GLRA2: variants seen among roughly 807,000 people sequenced by gnomAD.
The protein encoded by GLRA2 is glycine receptor alpha 2.
A neutral mutation model predicts 31.6 loss-of-function variants in GLRA2; 11 were observed. The ratio of observed to expected loss-of-function variants is 0.35; its 90% CI spans 0.22 to 0.58. GLRA2 has a LOEUF of 0.58. Among genes scored for constraint, GLRA2 ranks in the 20% least tolerant of loss-of-function variants. The pLI is 0.84. For synonymous variants in GLRA2, 132 were observed against 134.0 expected (o/e 0.99, Z 0.10); for missense variants, 212 against 351.8 (o/e 0.60, Z 3.18).
intron 2 of GLRA2, among the ~76,000 whole-genome samples, chrX:14,569,451 G>A (rs895751393): frequency 8.9e-6 from 1 of 111,987 alleles, no homozygotes; most frequent in African/African-American, 3.2e-5. Flanking sequence ...AATGGGTAAA[G>A]GGCTTGAAGA....
intron 2 of GLRA2, among the ~76,000 whole-genome samples, chrX:14,565,433 G>A (rs2089791348): frequency 9.0e-6 from 1 of 111,229 alleles, no homozygotes; most frequent in Non-Finnish European, 1.9e-5. Context: ...TATTAAAAAT[G>A]GTATGTTGAA....
upstream of GLRA2, among the ~76,000 whole-genome samples, chrX:14,527,835 G>A (rs2089198963): frequency 9.0e-6 from 1 of 111,360 alleles, no homozygotes; most frequent in Non-Finnish European, 1.9e-5. Flanking sequence ...CAGGACAGCA[G>A]GGATAAAATC....
intron 7 of GLRA2, among the ~76,000 whole-genome samples, chrX:14,668,003 G>A (rs1266441603): frequency 1.8e-5 from 2 of 111,995 alleles, no homozygotes; most frequent in Non-Finnish European, 3.8e-5. Context: ...CTCCCACAAG[G>A]CTGAAATCTC....
chrX:14,508,504 G>A, the GLRA2 span, among the ~76,000 whole-genome samples: 1 of 111,924 alleles, frequency 8.9e-6, no homozygotes, highest in Non-Finnish European at 1.9e-5. Flanking sequence ...CATTCCTGCA[G>A]CACACAGTCC....
the GLRA2 span, among the ~76,000 whole-genome samples, chrX:14,464,338 A>G: frequency 1.8e-5 from 2 of 111,397 alleles, no homozygotes; most frequent in African/African-American, 6.5e-5. Flanking sequence ...TCTTCACTGC[A>G]TTTGGAGTTG....
intron 8 of GLRA2, among the ~76,000 whole-genome samples, chrX:14,692,553 A>G (rs1419896263): frequency 8.9e-6 from 1 of 112,019 alleles, no homozygotes; most frequent in Non-Finnish European, 1.9e-5. Context: ...AGACTCACCT[A>G]GGACCCTTGT....
intron 8 of GLRA2, among the ~76,000 whole-genome samples, chrX:14,724,626 C>CAAAAAAAAAAAAAAAAAAAAAAAAA (rs758722703): frequency 1.0e-4 from 5 of 49,617 alleles, no homozygotes; most frequent in Non-Finnish European, 1.3e-4. Context: ...AACTCTGTCT[C>CAAAAAAAAAAAAAAAAAAAAAAAAA]AAAAAAAAAA....
chrX:14,579,907 TA>T (rs1306498819), intron 3 of GLRA2, among the ~76,000 whole-genome samples: 7 of 112,104 alleles, frequency 6.2e-5, no homozygotes, highest in Admixed American at 2.8e-4. Context: ...AGTAAATAGG[TA>T]AAAAAGAAAA....
chrX:14,676,583 T>C (rs901965941), intron 7 of GLRA2, among the ~76,000 whole-genome samples: 1 of 111,928 alleles, frequency 8.9e-6, no homozygotes, highest in African/African-American at 3.2e-5. Flanking sequence ...TGGAAGTGCC[T>C]TGCCCATGAG....
chrX:14,607,082 C>T (rs2090342413), intron 5 of GLRA2, 49 bp from the exon 6 acceptor site: 2 of 1,004,970 alleles, frequency 2.0e-6, no homozygotes, highest in Non-Finnish European at 2.8e-6. Flanking sequence ...GACTTTCAAG[C>T]TTTCTTGGAA....
At chrX:14,454,188 C>CCACA in the GLRA2 span, among the ~76,000 whole-genome samples, 1 of 101,492 alleles carries the variant, frequency 9.9e-6, no homozygotes, top group Non-Finnish European at 2.0e-5. Flanking sequence ...ACCCACACAC[C>CCACA]CACACACACA....
chrX:14,493,697 A>C, the GLRA2 span, among the ~76,000 whole-genome samples: 1 of 95,836 alleles, frequency 1.0e-5, no homozygotes, highest in Admixed American at 1.1e-4. Context: ...ATACACGTAT[A>C]TATGTATACA....
upstream of GLRA2, among the ~76,000 whole-genome samples, chrX:14,527,157 A>G (rs1364739278): frequency 9.0e-6 from 1 of 111,724 alleles, no homozygotes; most frequent in East Asian, 2.8e-4. Context: ...ATCCAAATTT[A>G]GGAGAGCTGA....
chrX:14,524,742 TTGTGTGTG>T (rs113079569), upstream of GLRA2, among the ~76,000 whole-genome samples: 2 of 105,206 alleles, frequency 1.9e-5, no homozygotes, highest in African/African-American at 3.5e-5. Context: ...TTCAACATAT[TTGTGTGTG>T]TGTGTGTGTG....
chrX:14,467,015 G>C, the GLRA2 span, among the ~76,000 whole-genome samples: 6 of 111,983 alleles, frequency 5.4e-5, no homozygotes, highest in African/African-American at 1.9e-4. Context: ...AGCTTCAGTT[G>C]TCAGTTCCTA....
At chrX:14,515,344 T>C in the GLRA2 span, among the ~76,000 whole-genome samples, 2 of 112,097 alleles carry the variant, frequency 1.8e-5, no homozygotes, top group Non-Finnish European at 3.8e-5. Flanking sequence ...TACAATGTAT[T>C]TAGGTGTGGA....
upstream of GLRA2, among the ~76,000 whole-genome samples, chrX:14,528,056 G>A (rs184221632): frequency 2.8e-4 from 32 of 112,472 alleles, no homozygotes; most frequent in African/African-American, 8.1e-4. Flanking sequence ...AGAGATTCCT[G>A]TATTTTCACT....
In GLRA2 at chrX:14,730,408, T is replaced by C. The variant is rs760076261; in HGVS notation, c.1282T>C (p.Leu428=). The change falls in exon 9 of 9, where the codon TTG becomes CTG. Residue 428 remains leucine (L), a synonymous_variant. Transcript: ENST00000218075. ...IDTISRAAFP[L]AFLIFNIFYW... ...CACGATATCTCGAGCTGCCTTCCCA[T>C]TGGCCTTCCTCATTTTCAACATCTT... 4.2e-6 allele frequency: 5 copies of C among 1,203,995 alleles called. No individual in the cohort carries two copies. Among genetic ancestry groups the C allele is most frequent in the Non-Finnish European group, 5.6e-6 (5 of 888,945 alleles).
intron 8 of GLRA2, among the ~76,000 whole-genome samples, chrX:14,708,318 G>C (rs1316669771): frequency 9.0e-6 from 1 of 111,438 alleles, no homozygotes; most frequent in Non-Finnish European, 1.9e-5. Flanking sequence ...GATCAGGCCA[G>C]GTAAACAAAT....
Sources: allele counts gnomAD v4.1 joint callset (sites outside exome capture counted in the v4.1 genomes callset), GRCh38; gene constraint gnomAD v4.1.1; transcripts MANE v1.5; gene names NCBI Gene and HGNC (gene_info 2026-07-23, HGNC 2026-07-21).